Variants in LIPA observed in about 807,000 individuals in gnomAD.
The protein encoded by LIPA is lipase A, lysosomal acid type.
Under a neutral mutation model 40.6 loss-of-function variants are expected in LIPA, and 26 were observed. The ratio of observed to expected loss-of-function variants is 0.64; its 90% CI spans 0.47 to 0.89. The LOEUF (loss-of-function observed/expected upper bound fraction) is 0.89, where lower values mean the gene tolerates loss of function less well. LIPA is among the 40% of genes least tolerant of loss of function. The probability of loss-of-function intolerance (pLI) is 0.00; values close to 1 mark genes in which losing one functional copy is unlikely to be tolerated. For synonymous variants in LIPA, 188 were observed against 168.4 expected (o/e 1.12, Z -0.90); for missense variants, 455 against 479.6 (o/e 0.95, Z 0.48).
chr10:89,260,176 G>T (rs1311612994), intron 1 of LIPA, among the ~76,000 whole-genome samples: 3 of 152,142 alleles, frequency 2.0e-5, no homozygotes, highest in Non-Finnish European at 2.9e-5. Flanking sequence ...CCCAACAGAG[G>T]TGTTTTCCGT....
chr10:89,217,087 CAAATT>C (rs1842637988), intron 8 of LIPA, among the ~76,000 whole-genome samples: 1 of 152,260 alleles, frequency 6.6e-6, no homozygotes. Context: ...TCTACACTCT[CAAATT>C]AAATGTATGT....
intron 1 of LIPA, among the ~76,000 whole-genome samples, chr10:89,330,773 T>G (rs185535150): frequency 6.6e-6 from 1 of 152,348 alleles, no homozygotes; most frequent in Admixed American, 6.5e-5. Context: ...TAATGCTGCT[T>G]AATTCACCAC....
At chr10:89,227,525 G>C (rs1218797121) in intron 4 of LIPA, among the ~76,000 whole-genome samples, 1 of 152,216 alleles carries the variant, frequency 6.6e-6, no homozygotes, top group Non-Finnish European at 1.5e-5. Flanking sequence ...TGGGAAGCAA[G>C]CCCGGAGGCT....
chr10:89,306,634 T>G (rs1843481799), intron 1 of LIPA: 1 of 1,613,804 alleles, frequency 6.2e-7, no homozygotes, highest in Non-Finnish European at 8.5e-7. Context: ...GTGAAGAAGG[T>G]GAAGAGGAAG....
chr10:89,385,010 C>A, intron 2 of LIPA: 1 of 391,534 alleles, frequency 2.6e-6, no homozygotes, highest in Non-Finnish European at 4.6e-6. Flanking sequence ...TGGAACATAG[C>A]AAGTAGTAAC....
chr10:89,341,082 ACATGTT>A (rs1423103689), intron 1 of LIPA: 1 of 152,270 alleles, frequency 6.6e-6, no homozygotes, highest in East Asian at 1.9e-4. Context: ...ACTATTCTCG[ACATGTT>A]CATTTGAGCC....
chr10:89,297,458 G>C (rs1564778863), intron 1 of LIPA, among the ~76,000 whole-genome samples: 1 of 152,110 alleles, frequency 6.6e-6, no homozygotes, highest in Non-Finnish European at 1.5e-5. Context: ...GGAGCCCCCA[G>C]TGATATTTCC....
At chr10:89,351,174 G>A (rs1413863162) in intron 2 of LIPA, among the ~76,000 whole-genome samples, 1 of 152,114 alleles carries the variant, frequency 6.6e-6, no homozygotes, top group Non-Finnish European at 1.5e-5. Flanking sequence ...AAATTAGCGA[G>A]GTGTGGTGGC....
chr10:89,381,985 GT>G (rs907691658), intron 2 of LIPA, among the ~76,000 whole-genome samples: 6 of 152,122 alleles, frequency 3.9e-5, no homozygotes, highest in African/African-American at 1.2e-4. Flanking sequence ...GCCCAGGCTA[GT>G]TTTGAACTCC....
At chr10:89,377,910 A>T (rs916599422) in intron 2 of LIPA, 1 of 506,786 alleles carries the variant, frequency 2.0e-6, no homozygotes. Flanking sequence ...AGCTGCCAAA[A>T]CTCAGCATGT....
intron 8 of LIPA, among the ~76,000 whole-genome samples, chr10:89,221,899 T>C (rs2133423530): frequency 6.7e-6 from 1 of 150,040 alleles, no homozygotes; most frequent in Admixed American, 6.6e-5. Context: ...AGAATGATTT[T>C]ATTTTCATTT....
chr10:89,306,118 C>G (rs1270667455), intron 1 of LIPA: 1 of 1,614,000 alleles, frequency 6.2e-7, no homozygotes, highest in Non-Finnish European at 8.5e-7. Context: ...CCACAATGTG[C>G]AACCTACTGG....
intron 2 of LIPA, among the ~76,000 whole-genome samples, chr10:89,374,725 GCTTCCCAT>G (rs1844110470): frequency 6.6e-6 from 1 of 152,162 alleles, no homozygotes; most frequent in African/African-American, 2.4e-5. Flanking sequence ...CCTCCTAGAA[GCTTCCCAT>G]CTGATACAGA....
intron 1 of LIPA, among the ~76,000 whole-genome samples, chr10:89,289,837 G>T (rs1239917792): frequency 1.3e-5 from 2 of 152,070 alleles, no homozygotes; most frequent in East Asian, 3.9e-4. Context: ...CCCATTCTTA[G>T]GCCACCCTCT....
intron 1 of LIPA, among the ~76,000 whole-genome samples, chr10:89,302,691 A>C (rs1843452975): frequency 6.6e-6 from 1 of 152,210 alleles, no homozygotes; most frequent in Non-Finnish European, 1.5e-5. Flanking sequence ...ATGCCTCCTG[A>C]GTATGAATTA....
intron 1 of LIPA, among the ~76,000 whole-genome samples, chr10:89,341,605 A>C (rs997087640): frequency 6.6e-6 from 1 of 152,228 alleles, no homozygotes; most frequent in South Asian, 2.1e-4. Context: ...TTAATGTAAT[A>C]TTTGAAATAA....
At chr10:89,367,957 T>C (rs1027281730) in intron 2 of LIPA, among the ~76,000 whole-genome samples, 1 of 152,176 alleles carries the variant, frequency 6.6e-6, no homozygotes, top group African/African-American at 2.4e-5. Flanking sequence ...TAGCTAGAAC[T>C]ACAGGTGTGC....
rs71471123 is a variant in LIPA at position 89,350,315 on chromosome 10, C to CTTTTTTTTTTTT, written c.61+62475_61+62476insAAAAAAAAAAAA. On this transcript the variant is annotated intron_variant, in intron 2 of 8. Coordinates refer to the LIPA transcript ENST00000371837. ...AGCCCTGAACAAAGAGTGAAGTTACCTTTTTTTTTAAGACGGAGTCTTGCT... is the reference window on the plus strand; with the variant it reads ...AGCCCTGAACAAAGAGTGAAGTTACCTTTTTTTTTTTTTTTTTTTTTAAGACGGAGTCTTGCT... Among the ~76,000 whole-genome samples the CTTTTTTTTTTTT allele has an allele frequency of 1.4e-3, 209 of 148,196 alleles. 2 individuals are homozygous for CTTTTTTTTTTTT. Among genetic ancestry groups the CTTTTTTTTTTTT allele is most frequent in the Middle Eastern group, 7.0e-3 (2 of 286 alleles).
intron 3 of LIPA, among the ~76,000 whole-genome samples, chr10:89,238,037 A>C (rs914066845): frequency 6.6e-6 from 1 of 152,260 alleles, no homozygotes; most frequent in South Asian, 2.1e-4. Context: ...AAAAGCTGTG[A>C]AAGTTATCAA....
Sources: allele counts gnomAD v4.1 joint callset (sites outside exome capture counted in the v4.1 genomes callset), GRCh38; gene constraint gnomAD v4.1.1; transcripts MANE v1.5; gene names NCBI Gene and HGNC (gene_info 2026-07-23, HGNC 2026-07-21).